The following ZNF805 variants were observed in gnomAD, a reference collection of about 807,000 sequenced individuals.
ZNF805 encodes CTC-444N24.8.
A neutral mutation model predicts 13.6 loss-of-function variants in ZNF805; 7 were observed. The observed-to-expected ratio is 0.51, with a 90% CI of 0.29 to 0.97. The LOEUF (loss-of-function observed/expected upper bound fraction) is 0.97. Ranked by LOEUF, ZNF805 falls within the 50% of genes least tolerant of loss-of-function variation. The pLI is 0.08. For synonymous variants in ZNF805, 293 were observed against 279.8 expected (o/e 1.05, Z -0.47); for missense variants, 604 against 771.0 (o/e 0.78, Z 2.57).
In ZNF805 at chr19:57,254,528, C is replaced by T. The variant is rs1162473748; in HGVS notation, c.1709C>T (p.Thr570Ile). ...ACTGGGAGAAATCCTATCAGTGTAA[C>T]AGATGTGGGAAGACCTTTTACAAGT... ...MHTGRNPISV[T>I]DVGRPFTSGQ... The change falls in exon 4 of 4, where the codon ACA becomes ATA. Residue 570 changes from threonine to isoleucine, a missense_variant. Thr to Ile is a moderately conservative substitution (Grantham distance 89). Coordinates refer to ENST00000414468, the MANE Select transcript of ZNF805 (RefSeq NM_001023563.4). The T allele has an allele frequency of 6.2e-7, 1 of 1,614,184 alleles. No homozygotes were observed. The highest frequency in any genetic ancestry group is 1.1e-5 in the South Asian group (1 of 91,078).
intron 2 of ZNF805, among the ~76,000 whole-genome samples, 197 bp downstream of exon 2, chr19:57,244,246 C>A (rs2087597744): frequency 6.8e-6 from 1 of 147,944 alleles, no homozygotes. Flanking sequence ...CTCTGTCACC[C>A]AGGCTGGATG....
Position 57,254,163 on chromosome 19 carries a change from C to A in ZNF805, c.1344C>A (p.Ala448=). 1 of 1,613,622 alleles carries A rather than the reference C, an allele frequency of 6.2e-7. No homozygotes were observed. The highest frequency in any genetic ancestry group is 8.5e-7 in the Non-Finnish European group (1 of 1,179,950). ...CTACTTTCATCTTGCATAAAAGGGC[C>A]CACACTGGAGAAAAACCTTTCGAGT... is the stretch of plus-strand genomic sequence containing the variant. ...HCSTFILHKR[A]HTGEKPFECK... The change falls in exon 4 of 4, where the codon GCC becomes GCA. Residue 448 remains alanine, a synonymous_variant. Coordinates refer to ENST00000414468, the MANE Select transcript of ZNF805 (RefSeq NM_001023563.4).
rs2087687503 is a variant in ZNF805, at chr19:57,256,373, G to GC, written c.*1670_*1671insC. Among the ~76,000 whole-genome samples, 1 of 152,012 alleles carries GC rather than the reference G, an allele frequency of 6.6e-6. No homozygotes were observed. Among genetic ancestry groups the GC allele is most frequent in the African/African-American group, 2.4e-5 (1 of 41,408 alleles). On this transcript the variant is annotated 3_prime_UTR_variant, in exon 4 of 4. Transcript: ENST00000414468. ...CATGAATTGGAAGGAATTCTCTTCT[G>GC]TTTTTTTGGAAGATCATGTGTAGAA...
At position 57,253,541 on chromosome 19, in the gene ZNF805, G is replaced by T; in HGVS notation, c.722G>T (p.Ser241Ile). The change falls in exon 4 of 4, where the codon AGC (serine) becomes ATC (isoleucine). Residue 241 changes from serine to isoleucine, a missense_variant. Physicochemically the swap from Ser to Ile is moderately radical, Grantham distance 142. Transcript: ENST00000414468. The surrounding 1 kb of genome is among the most constrained non-coding windows in gnomAD (Gnocchi z 4.4). ...YECTECGKTF[S>I]KSTYLLQHHM... Reference sequence around the variant, plus strand: ...TGCACAGAGTGTGGAAAAACCTTTAGCAAGAGTACATACCTCCTGCAGCAC... The same window carrying T: ...TGCACAGAGTGTGGAAAAACCTTTATCAAGAGTACATACCTCCTGCAGCAC... 1 of 1,613,206 alleles carries T rather than the reference G, an allele frequency of 6.2e-7. No individual in the cohort carries two copies.
intron 2 of ZNF805, among the ~76,000 whole-genome samples, chr19:57,245,249 C>G (rs1442407075): frequency 3.9e-5 from 6 of 152,182 alleles, no homozygotes; most frequent in Non-Finnish European, 5.9e-5. Flanking sequence ...ATTTGCTGTT[C>G]TCTTTGATGA....
At chr19:57,245,574 T>TTC (rs2087609236) in intron 2 of ZNF805, among the ~76,000 whole-genome samples, 1 of 149,626 alleles carries the variant, frequency 6.7e-6, no homozygotes, top group Non-Finnish European at 1.5e-5. Context: ...GGTCAGGAGA[T>TTC]AGAGACCATC....
In ZNF805 at chr19:57,253,428, T is replaced by G; in HGVS notation, c.609T>G (p.Phe203Leu). The G allele has an allele frequency of 6.4e-7, 1 of 1,565,394 alleles. No homozygotes were observed. Among genetic ancestry groups the G allele is most frequent in the Non-Finnish European group, 8.7e-7 (1 of 1,154,530 alleles). Residue 203 changes from phenylalanine (F) to leucine (L), a missense_variant, in exon 4 of 4, where the codon TTT becomes TTG. Physicochemically the swap from Phe to Leu is conservative, Grantham distance 22 (BLOSUM62 0). Coordinates refer to ENST00000414468, the MANE Select transcript of ZNF805 (RefSeq NM_001023563.4). The surrounding 1 kb of genome is among the most constrained non-coding windows in gnomAD (Gnocchi z 4.4). Reference protein sequence around the residue: ...NPVIQEEENIFKCNECEKVFN... With the variant: ...NPVIQEEENILKCNECEKVFN... ...TTATTCAGGAAGAGGAAAATATCTT[T>G]AAATGCAATGAATGTGAAAAAGTGT...
intron 1 of ZNF805, among the ~76,000 whole-genome samples, chr19:57,242,452 G>A (rs1467381100): frequency 6.6e-6 from 1 of 152,230 alleles, no homozygotes; most frequent in Non-Finnish European, 1.5e-5. Flanking sequence ...GCAAAATCCT[G>A]TGGTCTTTTG....
At position 57,259,421 on chromosome 19, in the gene ZNF805, T is replaced by C. The variant is rs1293004516; in HGVS notation, c.*4718T>C. ...TCACTGATTCTTTTTTTCTGCCATATGCAGTCTACTGTTGAGCTTGTCCAA... is the reference window on the plus strand; with the variant it reads ...TCACTGATTCTTTTTTTCTGCCATACGCAGTCTACTGTTGAGCTTGTCCAA... On this transcript the variant is annotated 3_prime_UTR_variant, in exon 4 of 4. Coordinates refer to ENST00000414468, the MANE Select transcript of ZNF805 (RefSeq NM_001023563.4). Among the ~76,000 whole-genome samples, 6 of 152,192 alleles carry C rather than the reference T, an allele frequency of 3.9e-5. No individual in the cohort carries two copies. Among genetic ancestry groups the C allele is most frequent in the Non-Finnish European group, 8.8e-5 (6 of 68,026 alleles).
intron 3 of ZNF805, 114 bp from the exon 4 acceptor site, chr19:57,252,959 A>G (rs2087660298): frequency 2.1e-6 from 2 of 960,218 alleles, no homozygotes; most frequent in Non-Finnish European, 2.8e-6. Flanking sequence ...ATGGCAAAAT[A>G]TAACAGACAT....
chr19:57,246,121 GCAGCC>G (rs1006430200), intron 2 of ZNF805, among the ~76,000 whole-genome samples: 6 of 152,196 alleles, frequency 3.9e-5, no homozygotes, highest in Admixed American at 3.9e-4. Flanking sequence ...TACAGAGGGA[GCAGCC>G]TTAGGCTCAC....
In ZNF805 at chr19:57,248,643, G is replaced by C. The variant is rs374430539; in HGVS notation, c.196G>C (p.Glu66Gln). Residue 66 changes from glutamate (E) to glutamine (Q), a missense_variant, in exon 3 of 4, where the codon GAG (glutamate) becomes CAG (glutamine). By Grantham distance (29) the Glu-to-Gln change is conservative (BLOSUM62 2). Transcript: ENST00000414468. Reference sequence around the variant, plus strand: ...CAGACCTGAGCTGATCTACCACCTAGAGCATGGGCAGGAGCCATGGACCAG... The same window carrying C: ...CAGACCTGAGCTGATCTACCACCTACAGCATGGGCAGGAGCCATGGACCAG... The part of the protein sequence containing the change: ...VPRPELIYHL[E>Q]HGQEPWTRKE... 924 of 1,600,348 alleles carry C rather than the reference G, an allele frequency of 5.8e-4. 4 individuals are homozygous for C. In the African/African-American group the frequency reaches 0.011, roughly 20 times the overall value.
At chr19:57,246,567 G>C (rs561484514) in intron 2 of ZNF805, among the ~76,000 whole-genome samples, 1 of 152,090 alleles carries the variant, frequency 6.6e-6, no homozygotes, top group Non-Finnish European at 1.5e-5. Context: ...CACGAGGTCA[G>C]TTGATAGCGA....
At position 57,254,872 on chromosome 19, in the gene ZNF805, A is replaced by G. The variant is rs555841131; in HGVS notation, c.*169A>G. 69 of 664,228 alleles carry G rather than the reference A, an allele frequency of 1.0e-4. No homozygotes were observed. The highest frequency in any genetic ancestry group is 7.5e-4 in the African/African-American group (41 of 54,862). 41.1% of individuals were successfully genotyped at this position (664,228 alleles called of 1,614,324 possible). On this transcript the variant is annotated 3_prime_UTR_variant, in exon 4 of 4. Transcript: ENST00000414468. ...ATCTTTCTCATTAGTTTACAGTGCA[A>G]TGTTATCTCAGGAATTTTTATAAAC...
rs1219451330 is a variant in ZNF805, at chr19:57,262,423, G to C, written c.*7720G>C. ...CCAGGATTTAATTCAGTGATGACAG[G>C]GAACAGAGGAAGTCTTGTGAGAAAG... On this transcript the variant is annotated 3_prime_UTR_variant, in exon 4 of 4. Coordinates refer to ENST00000414468, the MANE Select transcript of ZNF805 (RefSeq NM_001023563.4). 6.0e-6 allele frequency: 1 copy of C among 166,918 alleles called. No individual in the cohort carries two copies. Among genetic ancestry groups the C allele is most frequent in the African/African-American group, 2.4e-5 (1 of 41,416 alleles). 10.3% of individuals were successfully genotyped at this position (166,918 alleles called of 1,614,324 possible). A position where few individuals can be genotyped will look rare whatever the true frequency, so the allele number is the denominator to read the frequency against.
Position 57,240,760 on chromosome 19 carries a change from C to A in ZNF805, c.-132C>A. On this transcript the variant is annotated 5_prime_UTR_variant, in exon 1 of 4. Coordinates refer to ENST00000414468, the MANE Select transcript of ZNF805 (RefSeq NM_001023563.4). Reference sequence around the variant, plus strand: ...TCTCGGAGCGAACCGTGAGCCTCCCCGTAACGAGAGAGTTTGACTGTCAGC... The same window carrying A: ...TCTCGGAGCGAACCGTGAGCCTCCCAGTAACGAGAGAGTTTGACTGTCAGC... 1 of 807,926 alleles carries A rather than the reference C, an allele frequency of 1.2e-6. No homozygotes were observed. The highest frequency in any genetic ancestry group is 1.9e-6 in the Non-Finnish European group (1 of 528,452). 50.0% of individuals were successfully genotyped at this position (807,926 alleles called of 1,614,324 possible).
chr19:57,247,118 T>C (rs2087624227), intron 2 of ZNF805, among the ~76,000 whole-genome samples: 1 of 151,890 alleles, frequency 6.6e-6, no homozygotes, highest in Admixed American at 6.6e-5. Context: ...ACTGCGATCC[T>C]CACACCTTAC....
chr19:57,253,602 C>T lies in ZNF805; in HGVS notation c.783C>T (p.Cys261=). 6.2e-7 allele frequency: 1 copy of T among 1,613,792 alleles called. No homozygotes were observed. The highest frequency in any genetic ancestry group is 8.5e-7 in the Non-Finnish European group (1 of 1,179,916). ...ACACTGGGGAGAAGCCCTATAAGTG[C>T]ATGGAGTGTGGGAAGGCTTTTAATC... The part of the protein sequence containing the change: ...MVHTGEKPYK[C]MECGKAFNRK... The change falls in exon 4 of 4, where the codon TGC becomes TGT. Residue 261 remains cysteine, a synonymous_variant. Transcript: ENST00000414468. This position sits in a 1 kb window ranked among gnomAD's most constrained non-coding sequence, Gnocchi z 4.4.
In ZNF805 at chr19:57,253,028, T is replaced by G; in HGVS notation, c.254-45T>G. ...GAAGTGGTGAGTTTGTTTCTTCTCTTTTTACATTACTAACAAGCCCTTCTG... is the reference window on the plus strand; with the variant it reads ...GAAGTGGTGAGTTTGTTTCTTCTCTGTTTACATTACTAACAAGCCCTTCTG... On this transcript the variant is annotated intron_variant, in intron 3 of 3. Coordinates refer to ENST00000414468, the MANE Select transcript of ZNF805 (RefSeq NM_001023563.4). This position sits in a 1 kb window ranked among gnomAD's most constrained non-coding sequence, Gnocchi z 4.4. 2.9e-6 allele frequency: 4 copies of G among 1,362,544 alleles called. No individual in the cohort carries two copies. The highest frequency in any genetic ancestry group is 3.8e-6 in the Non-Finnish European group (4 of 1,051,494). The allele number at this position is 1,362,544 out of a possible 1,614,324, so 84.4% of individuals were successfully genotyped here.
Sources: allele counts gnomAD v4.1 joint callset (sites outside exome capture counted in the v4.1 genomes callset), GRCh38; gene constraint gnomAD v4.1.1; non-coding constraint Gnocchi (gnomAD v3.1); transcripts MANE v1.5; gene names NCBI Gene and HGNC (gene_info 2026-07-23, HGNC 2026-07-21).